The following ZNF501 variants were observed in gnomAD, a reference collection of about 807,000 sequenced individuals.
ZNF501 encodes the protein zinc finger protein 501.
ZNF501 carries 7 observed loss-of-function variants against 5.7 expected under a neutral mutation model. The observed-to-expected ratio is 1.24, with a 90% CI of 0.70 to 2.32. The LOEUF (loss-of-function observed/expected upper bound fraction) is 2.32. ZNF501 is among the 30% of genes most tolerant of loss of function. The pLI, the probability that ZNF501 is intolerant of heterozygous loss-of-function variation, is 0.00. For synonymous variants in ZNF501, 107 were observed against 101.9 expected, an observed-to-expected ratio of 1.05 and a Z score of -0.30; for missense variants, 352 against 321.1, an observed-to-expected ratio of 1.10 and a Z score of -0.73.
Position 44,736,703 on chromosome 3 carries a change from A to C in ZNF501, c.*1466A>C, listed in dbSNP as rs146194864. On this transcript the variant is annotated 3_prime_UTR_variant, in exon 3 of 3. Transcript: ENST00000620116. ...ATTCTAATAGGTATGTAGTGGTATT[A>C]ATTGTTTTAATCTGCAGTTCACCAA... The C allele has an allele frequency of 2.4e-5, 4 of 167,166 alleles. No individual in the cohort carries two copies. Among genetic ancestry groups the C allele is most frequent in the Non-Finnish European group, 4.4e-5 (3 of 68,098 alleles). 10.4% of individuals were successfully genotyped at this position (167,166 alleles called of 1,614,324 possible).
Position 44,735,070 on chromosome 3 carries a change from CTT to C in ZNF501, c.651_652del (p.Tyr218Ter). 1.9e-6 allele frequency: 3 copies of C among 1,614,120 alleles called. No individual in the cohort carries two copies. Among genetic ancestry groups the C allele is most frequent in the East Asian group, 2.2e-5 (1 of 44,874 alleles). On this transcript the variant is annotated frameshift_variant, in exon 3 of 3. Transcript: ENST00000620116. LOFTEE classifies it high-confidence loss of function. Reference sequence around the variant, plus strand: ...TGAAAGGACTCACACTGGAGAGAAACTTTATAAGTGTAGTGAGTGTGAAAAAA... The same window carrying C: ...TGAAAGGACTCACACTGGAGAGAAACTATAAGTGTAGTGAGTGTGAAAAAA... ...EHERTHTGEK[L>X]YKCSECEKTF... is the part of the protein sequence containing the mutation.
At position 44,735,820 on chromosome 3, in the gene ZNF501, ATCT is replaced by A. The variant is rs564913250; in HGVS notation, c.*586_*588del. Reference sequence around the variant, plus strand: ...GGGTGTATTTCTGGATACCCTCAAGATCTTCATTTAAATTTTGATACTTTCTAT... The same window carrying A: ...GGGTGTATTTCTGGATACCCTCAAGATCATTTAAATTTTGATACTTTCTAT... On this transcript the variant is annotated 3_prime_UTR_variant, in exon 3 of 3. Transcript: ENST00000620116. 1 of 166,796 alleles carries A rather than the reference ATCT, an allele frequency of 6.0e-6. No individual in the cohort carries two copies. Among genetic ancestry groups the A allele is most frequent in the Admixed American group, 6.5e-5 (1 of 15,284 alleles). The allele number at this position is 166,796 out of a possible 1,614,324, so 10.3% of individuals were successfully genotyped here.
rs58211979 is a variant in ZNF501, at chr3:44,734,860, A to G, written c.439A>G (p.Ile147Val). The change falls in exon 3 of 3, where the codon ATA becomes GTA. Residue 147 changes from isoleucine (I) to valine (V), a missense_variant. Transcript: ENST00000620116. Reference protein sequence around the residue: ...TECGKAFSQSICLTRHQRSHS... With the variant: ...TECGKAFSQSVCLTRHQRSHS... ...ATGTGGCAAAGCCTTCAGTCAGAGC[A>G]TATGCCTTACTCGTCATCAGAGAAG... 2.8e-3 allele frequency: 4,525 copies of G among 1,613,920 alleles called. 91 individuals carry two copies. The African/African-American group carries it at 0.046, about 16-fold the overall frequency.
chr3:44,734,561 A>G lies in ZNF501; in HGVS notation c.140A>G (p.Glu47Gly). Residue 47 changes from glutamate to glycine, a missense_variant, in exon 3 of 3, where the codon GAG (glutamate) becomes GGG (glycine). Physicochemically the swap from Glu to Gly is moderately conservative, Grantham distance 98 (BLOSUM62 -2). Transcript: ENST00000620116. ...CAGCACCAGAGGATTCACAGAGGAG[A>G]GAAGCCCTATGTGTGCAGTGAATGT... is the stretch of plus-strand genomic sequence containing the variant. ...LTQHQRIHRG[E>G]KPYVCSECGS... 6.2e-7 allele frequency: 1 copy of G among 1,614,186 alleles called. No individual in the cohort carries two copies. Among genetic ancestry groups the G allele is most frequent in the Non-Finnish European group, 8.5e-7 (1 of 1,180,022 alleles).
rs1704708388 is a variant in ZNF501, at chr3:44,736,791, G to C, written c.*1554G>C. On this transcript the variant is annotated 3_prime_UTR_variant, in exon 3 of 3. Coordinates refer to ENST00000620116, the MANE Select transcript of ZNF501 (RefSeq NM_001258280.2). ...TCTGTATAGCTTTGGTGAGGTATCT[G>C]TTAGAGGTTTTGCCCATTTTTAATT... The C allele has an allele frequency of 6.0e-6, 1 of 166,992 alleles. No individual in the cohort carries two copies. Among genetic ancestry groups the C allele is most frequent in the Admixed American group, 6.5e-5 (1 of 15,282 alleles). The allele number at this position is 166,992 out of a possible 1,614,324, so 10.3% of individuals were successfully genotyped here.
Position 44,733,723 on chromosome 3 carries a change from G to A in ZNF501, c.-225-474G>A, listed in dbSNP as rs143439449. Among the ~76,000 whole-genome samples, 423 of 152,290 alleles carry A rather than the reference G, an allele frequency of 2.8e-3. 4 individuals carry two copies. Among genetic ancestry groups the A allele is most frequent in the African/African-American group, 8.9e-3 (370 of 41,548 alleles). On this transcript the variant is annotated intron_variant, in intron 2 of 2. Coordinates refer to ENST00000620116, the MANE Select transcript of ZNF501 (RefSeq NM_001258280.2). ...CTTTCTTTCAGTAAGCAGGACTCTA[G>A]TTTTCAAACCTATAGGTTTCCAGTT...
chr3:44,731,700 G>A (rs1704619000), intron 2 of ZNF501, 140 bp downstream of exon 2: 1 of 152,228 alleles, frequency 6.6e-6, no homozygotes, highest in South Asian at 2.1e-4. Flanking sequence ...CACAGAAATG[G>A]ATACCATTTT....
At chr3:44,733,087 G>C (rs1037842676) in intron 2 of ZNF501, among the ~76,000 whole-genome samples, 1 of 152,184 alleles carries the variant, frequency 6.6e-6, no homozygotes, top group Non-Finnish European at 1.5e-5. Flanking sequence ...GCCTCTCAAA[G>C]TGTTGAGATT....
intron 1 of ZNF501, among the ~76,000 whole-genome samples, chr3:44,730,625 C>G (rs1704597913): frequency 6.6e-6 from 1 of 152,222 alleles, no homozygotes; most frequent in Non-Finnish European, 1.5e-5. Context: ...AGGTTCCTGC[C>G]TTTGAATACA....
chr3:44,730,826 A>T lies in ZNF501; in HGVS notation c.-310-650A>T, dbSNP rs955054682. 3.1e-4 allele frequency among the ~76,000 whole-genome samples: 47 copies of T among 152,240 alleles called. 1 individual carries two copies. The highest frequency in any genetic ancestry group is 4.6e-4 in the Non-Finnish European group (31 of 68,042). ...ATTCAGCCCGTTCTTAACAAGACCC[A>T]TTCACCTCACGGCTAGCTCATTTAG... is the stretch of plus-strand genomic sequence containing the variant. On this transcript the variant is annotated intron_variant, in intron 1 of 2. Coordinates refer to ENST00000620116, the MANE Select transcript of ZNF501 (RefSeq NM_001258280.2).
In ZNF501 at chr3:44,734,624, A is replaced by G. The variant is rs377576638; in HGVS notation, c.203A>G (p.His68Arg). Reference sequence around the variant, plus strand: ...CGTAAACAGTCAAATCTTACTCAACATCTGAGAATTCATACCGGAGAGAAA... The same window carrying G: ...CGTAAACAGTCAAATCTTACTCAACGTCTGAGAATTCATACCGGAGAGAAA... ...CFRKQSNLTQ[H>R]LRIHTGEKPY... The change falls in exon 3 of 3, where the codon CAT becomes CGT. Residue 68 changes from histidine to arginine, a missense_variant. His to Arg is a conservative substitution (Grantham distance 29). Coordinates refer to ENST00000620116, the MANE Select transcript of ZNF501 (RefSeq NM_001258280.2). The G allele has an allele frequency of 6.2e-7, 1 of 1,614,190 alleles. No homozygotes were observed. Among genetic ancestry groups the G allele is most frequent in the Non-Finnish European group, 8.5e-7 (1 of 1,180,022 alleles).
chr3:44,734,350 C>A lies in ZNF501; in HGVS notation c.-72C>A, dbSNP rs897638444. 7.5e-7 allele frequency: 1 copy of A among 1,328,590 alleles called. No individual in the cohort carries two copies. Among genetic ancestry groups the A allele is most frequent in the Non-Finnish European group, 1.0e-6 (1 of 955,732 alleles). The allele number at this position is 1,328,590 out of a possible 1,614,324, so 82.3% of individuals were successfully genotyped here. On this transcript the variant is annotated 5_prime_UTR_variant, in exon 3 of 3. It adds an upstream start codon to the 5' untranslated region. Transcript: ENST00000620116. ...CACACAGTAACCTTTCCTAGGAGAACTGTATTACTCTAATGATAATCACCT... is the reference window on the plus strand; with the variant it reads ...CACACAGTAACCTTTCCTAGGAGAAATGTATTACTCTAATGATAATCACCT...
chr3:44,730,531 AAG>A, intron 1 of ZNF501, among the ~76,000 whole-genome samples: 1 of 152,382 alleles, frequency 6.6e-6, no homozygotes, highest in East Asian at 1.9e-4. Flanking sequence ...GAGGAAATAA[AAG>A]AGACGTTTGA....
At position 44,734,566 on chromosome 3, in the gene ZNF501, C is replaced by T. The variant is rs763071226; in HGVS notation, c.145C>T (p.Pro49Ser). The change falls in exon 3 of 3, where the codon CCC (proline) becomes TCC (serine). Residue 49 changes from proline to serine, a missense_variant. Transcript: ENST00000620116. ...CCAGAGGATTCACAGAGGAGAGAAG[C>T]CCTATGTGTGCAGTGAATGTGGAAG... ...QHQRIHRGEK[P>S]YVCSECGSCF... The T allele has an allele frequency of 5.0e-6, 8 of 1,614,112 alleles. No individual in the cohort carries two copies. The highest frequency in any genetic ancestry group is 6.8e-6 in the Non-Finnish European group (8 of 1,180,008).
chr3:44,731,760 G>C (rs746806420), intron 2 of ZNF501, 200 bp downstream of exon 2: 1 of 152,192 alleles, frequency 6.6e-6, no homozygotes, highest in Non-Finnish European at 1.5e-5. Context: ...TGGAATAATT[G>C]GTTATGGGAC....
intron 1 of ZNF501, among the ~76,000 whole-genome samples, chr3:44,731,235 C>T (rs570954308): frequency 2.0e-4 from 31 of 152,304 alleles, no homozygotes; most frequent in African/African-American, 6.5e-4. Flanking sequence ...GAAATTTTTA[C>T]GCCCAGATGC....
rs1183880059 is a variant in ZNF501, at chr3:44,734,796, G to A, written c.375G>A (p.Gln125=). ...FCQSPSLIKH[Q]RIHTGEKPYK... ...AGAGCCCATCCCTTATTAAACACCA[G>A]CGAATTCATACTGGAGAGAAACCAT... The change falls in exon 3 of 3, where the codon CAG becomes CAA. Residue 125 remains glutamine, a synonymous_variant. Coordinates refer to ENST00000620116, the MANE Select transcript of ZNF501 (RefSeq NM_001258280.2). 2 of 1,613,884 alleles carry A rather than the reference G, an allele frequency of 1.2e-6. No individual in the cohort carries two copies. The highest frequency in any genetic ancestry group is 1.7e-6 in the Non-Finnish European group (2 of 1,180,002).
Position 44,734,182 on chromosome 3 carries a change from A to G in ZNF501, c.-225-15A>G. The stretch of plus-strand genomic sequence containing the variant: ...TATAGAATTCCTAATACCTGTCACT[A>G]CTTAATCTCTTCAGAGAGGCTGATC... On this transcript the variant is annotated splice_polypyrimidine_tract_variant and intron_variant, in intron 2 of 2. Transcript: ENST00000620116. 6.9e-6 allele frequency: 3 copies of G among 434,568 alleles called. No individual in the cohort carries two copies. The highest frequency in any genetic ancestry group is 3.5e-5 in the East Asian group (1 of 28,904). The allele number at this position is 434,568 out of a possible 1,614,324, so 26.9% of individuals were successfully genotyped here.
In ZNF501 at chr3:44,735,512, C is replaced by G. The variant is rs947655922; in HGVS notation, c.*275C>G. The G allele has an allele frequency of 1.0e-5, 3 of 288,262 alleles. No homozygotes were observed. Among genetic ancestry groups the G allele is most frequent in the African/African-American group, 6.6e-5 (3 of 45,632 alleles). The allele number at this position is 288,262 out of a possible 1,614,324, so 17.9% of individuals were successfully genotyped here. A position where few individuals can be genotyped will look rare whatever the true frequency, so the allele number is the denominator to read the frequency against. On this transcript the variant is annotated 3_prime_UTR_variant, in exon 3 of 3. Transcript: ENST00000620116. ...GGTTGTCCTGAGAATAAAATGAGTT[C>G]TGTGTGACAGTTAACTGCCATTAAT... is the stretch of plus-strand genomic sequence containing the variant.
Sources: gnomAD v4.1 joint callset for allele counts (sites outside exome capture counted in the v4.1 genomes callset) on GRCh38, gnomAD v4.1.1 for gene constraint, MANE v1.5 for transcripts, NCBI Gene and HGNC (gene_info 2026-07-23, HGNC 2026-07-21) for gene names.